The following CAMKMT variants were observed in gnomAD, a reference collection of about 807,000 sequenced individuals.
CAMKMT encodes calmodulin-lysine N-methyltransferase, also known as CaM KMT.
Under a neutral mutation model 48.0 loss-of-function variants are expected in CAMKMT, and 53 were observed. The observed-to-expected ratio is 1.10, with a 90% CI of 0.89 to 1.39. CAMKMT has a LOEUF of 1.39. Among genes scored for constraint, CAMKMT ranks in the 40% most tolerant of loss-of-function variants. CAMKMT has a pLI of 0.00. For missense variants in CAMKMT, 428 were observed against 402.7 expected (o/e 1.06, Z -0.54); for synonymous variants, 165 against 152.3 (o/e 1.08, Z -0.61).
At chr2:44,586,216 G>T (rs1168978795) in intron 3 of CAMKMT, among the ~76,000 whole-genome samples, 1 of 152,028 alleles carries the variant, frequency 6.6e-6, no homozygotes, top group Non-Finnish European at 1.5e-5. Context: ...AGGGTTTCAG[G>T]ATCACTTGGA....
chr2:44,758,978 A>C (rs1680498972), intron 9 of CAMKMT, among the ~76,000 whole-genome samples: 1 of 152,248 alleles, frequency 6.6e-6, no homozygotes, highest in South Asian at 2.1e-4. Flanking sequence ...TACCACTGCT[A>C]ACCAACTGTC....
intron 3 of CAMKMT, among the ~76,000 whole-genome samples, chr2:44,579,611 T>G (rs1414339777): frequency 6.6e-6 from 1 of 152,236 alleles, no homozygotes; most frequent in Non-Finnish European, 1.5e-5. Flanking sequence ...ACAAAAGGTT[T>G]TTGGTTTGCC....
intron 3 of CAMKMT, among the ~76,000 whole-genome samples, chr2:44,435,859 G>A (rs10194865): frequency 0.031 from 4,759 of 152,208 alleles, 241 homozygotes; most frequent in African/African-American, 0.11. Flanking sequence ...CCTTTTGGAG[G>A]TAGTCTTTGT....
intron 2 of CAMKMT, among the ~76,000 whole-genome samples, chr2:44,387,251 T>A (rs897072205): frequency 6.6e-6 from 1 of 152,190 alleles, no homozygotes; most frequent in African/African-American, 2.4e-5. Flanking sequence ...GGACAAGGCC[T>A]TTTACCATTA....
At chr2:44,447,736 A>C (rs1432432871) in intron 3 of CAMKMT, among the ~76,000 whole-genome samples, 1 of 152,220 alleles carries the variant, frequency 6.6e-6, no homozygotes, top group Non-Finnish European at 1.5e-5. Context: ...GCCTGTTGTC[A>C]GTAGGGCATA....
intron 3 of CAMKMT, among the ~76,000 whole-genome samples, chr2:44,495,139 A>C (rs1242606268): frequency 6.6e-6 from 1 of 152,168 alleles, no homozygotes; most frequent in East Asian, 1.9e-4. Context: ...TCTTTCTAAA[A>C]ATAATTGATT....
chr2:44,535,750 A>C lies in CAMKMT; in HGVS notation c.376+145445A>C, dbSNP rs572086048. 1.7e-4 allele frequency among the ~76,000 whole-genome samples: 26 copies of C among 152,276 alleles called. No individual in the cohort carries two copies. The South Asian group carries it at 4.8e-3, about 28-fold the overall frequency. On this transcript the variant is annotated intron_variant, in intron 3 of 10. Transcript: ENST00000378494. ...GAAGCAACATACATCAACATAATAAAGGCCATATATGACAAGCCCATGTAA... is the reference window on the plus strand; with the variant it reads ...GAAGCAACATACATCAACATAATAACGGCCATATATGACAAGCCCATGTAA...
At chr2:44,563,507 G>T (rs575912378) in intron 3 of CAMKMT, among the ~76,000 whole-genome samples, 1 of 149,432 alleles carries the variant, frequency 6.7e-6, no homozygotes, top group East Asian at 1.9e-4. Context: ...AAGTTCTAGG[G>T]TACATGTGCA....
intron 3 of CAMKMT, among the ~76,000 whole-genome samples, chr2:44,435,262 A>G (rs747770860): frequency 1.3e-5 from 2 of 152,138 alleles, no homozygotes; most frequent in African/African-American, 2.4e-5. Flanking sequence ...TAAAACAAAT[A>G]CATCATTAAT....
intron 10 of CAMKMT, among the ~76,000 whole-genome samples, chr2:44,770,175 C>T (rs887778182): frequency 6.6e-6 from 1 of 152,174 alleles, no homozygotes; most frequent in African/African-American, 2.4e-5. Context: ...ATTCCCCCAT[C>T]GAAGCAAGTA....
chr2:44,754,975 G>C (rs1045443258), intron 9 of CAMKMT, among the ~76,000 whole-genome samples: 1 of 152,142 alleles, frequency 6.6e-6, no homozygotes, highest in Admixed American at 6.5e-5. Context: ...TGAAGTGTGT[G>C]TGTGTTTCTA....
intron 3 of CAMKMT, among the ~76,000 whole-genome samples, chr2:44,561,552 T>C (rs1018616350): frequency 6.6e-6 from 1 of 152,232 alleles, no homozygotes; most frequent in Admixed American, 6.5e-5. Context: ...TTCTAAGTCA[T>C]ACCTGTAGGC....
At chr2:44,422,469 C>A (rs889138189) in intron 3 of CAMKMT, among the ~76,000 whole-genome samples, 3 of 151,906 alleles carry the variant, frequency 2.0e-5, no homozygotes, top group Non-Finnish European at 2.9e-5. Context: ...CAGAGGGACC[C>A]AGCCAGGAAC....
intron 3 of CAMKMT, among the ~76,000 whole-genome samples, chr2:44,492,417 T>C (rs1377359016): frequency 6.6e-6 from 1 of 152,206 alleles, no homozygotes; most frequent in Non-Finnish European, 1.5e-5. Context: ...GTAAAGTTTC[T>C]GAAGTACTCC....
chr2:44,451,048 G>A (rs1038177003), intron 3 of CAMKMT, among the ~76,000 whole-genome samples: 2 of 152,068 alleles, frequency 1.3e-5, no homozygotes, highest in African/African-American at 4.8e-5. Context: ...AAAGTTAGAG[G>A]CTAAACTAGT....
intron 1 of CAMKMT, 49 bp downstream of exon 1, chr2:44,362,194 T>A (rs761927547): frequency 1.9e-5 from 26 of 1,379,714 alleles, no homozygotes; most frequent in Non-Finnish European, 2.4e-5. Flanking sequence ...CACTCCTCTC[T>A]CACGTACCGG....
rs565334978 is a variant in CAMKMT, at chr2:44,562,624, A to T, written c.377-141659A>T. Among the ~76,000 whole-genome samples the T allele has an allele frequency of 8.5e-5, 13 of 152,234 alleles. No individual in the cohort carries two copies. In the South Asian group the frequency reaches 2.7e-3, roughly 32 times the overall value. ...CACCTAGGCTGGAGTGCAATGACAC[A>T]ATCTCAGTTCACTGCAACATCCATC... On this transcript the variant is annotated intron_variant, in intron 3 of 10. Coordinates refer to ENST00000378494, the MANE Select transcript of CAMKMT (RefSeq NM_024766.5).
intron 3 of CAMKMT, among the ~76,000 whole-genome samples, chr2:44,581,057 A>G (rs1351281562): frequency 6.6e-6 from 1 of 152,080 alleles, no homozygotes; most frequent in East Asian, 1.9e-4. Context: ...GATAAATGCC[A>G]TCCTGCTTGC....
At chr2:44,385,584 C>A (rs1424687796) in intron 2 of CAMKMT, among the ~76,000 whole-genome samples, 1 of 152,086 alleles carries the variant, frequency 6.6e-6, no homozygotes, top group Admixed American at 6.6e-5. Flanking sequence ...AGCTTTTCCC[C>A]ATTCAGTATT....
Sources: allele counts gnomAD v4.1 joint callset (sites outside exome capture counted in the v4.1 genomes callset), GRCh38; gene constraint gnomAD v4.1.1; transcripts MANE v1.5; gene names NCBI Gene and HGNC (gene_info 2026-07-23, HGNC 2026-07-21).